ARHGAP35: variants seen among roughly 807,000 people sequenced by gnomAD.
ARHGAP35 encodes the protein Rho GTPase activating protein 35.
A neutral mutation model predicts 111.1 loss-of-function variants in ARHGAP35; 15 were observed. The ratio of observed to expected loss-of-function variants is 0.13; its 90% CI spans 0.09 to 0.21. ARHGAP35 has a LOEUF of 0.21. Ranked by LOEUF, ARHGAP35 falls within the 10% of genes least tolerant of loss-of-function variation. The pLI, the probability that ARHGAP35 is intolerant of heterozygous loss-of-function variation, is 1.00. For missense variants in ARHGAP35, 1,262 were observed against 1,873.0 expected, an observed-to-expected ratio of 0.67 and a Z score of 6.02; for synonymous variants, 643 against 710.3, an observed-to-expected ratio of 0.91 and a Z score of 1.51.
At chr19:46,963,880 T>G (rs1403921474) in intron 3 of ARHGAP35, among the ~76,000 whole-genome samples, 1 of 152,178 alleles carries the variant, frequency 6.6e-6, no homozygotes, top group African/African-American at 2.4e-5. Flanking sequence ...AATTTTTTTA[T>G]TTTTTGAGAT....
intron 3 of ARHGAP35, among the ~76,000 whole-genome samples, chr19:46,978,504 T>TGGC (rs996359087): frequency 3.6e-5 from 5 of 138,712 alleles, no homozygotes; most frequent in African/African-American, 1.1e-4. Context: ...TGTGTGGTGG[T>TGGC]GGCGTGTGTG....
chr19:46,888,271 T>C (rs2056003747), intron 1 of ARHGAP35, among the ~76,000 whole-genome samples: 1 of 17,024 alleles, frequency 5.9e-5, no homozygotes, highest in South Asian at 1.9e-3. Context: ...AATATATATA[T>C]ATATATATAT....
At position 46,988,415 on chromosome 19, in the gene ARHGAP35, A is replaced by C. The variant is rs1488806911; in HGVS notation, c.3904+349A>C. On this transcript the variant is annotated intron_variant, in intron 4 of 6. Coordinates refer to ENST00000672722, the MANE Select transcript of ARHGAP35 (RefSeq NM_004491.5). This position sits in a 1 kb window ranked among gnomAD's most constrained non-coding sequence, Gnocchi z 5.4. ...AGCTAGTTGCAGGCACATGATATAC[A>C]AGTCGGGTTGAGATGTGATCCTGTT... The C allele has an allele frequency of 3.6e-6, 1 of 274,794 alleles. No homozygotes were observed. Among genetic ancestry groups the C allele is most frequent in the Non-Finnish European group, 7.2e-6 (1 of 138,482 alleles). 17.0% of individuals were successfully genotyped at this position (274,794 alleles called of 1,614,324 possible).
Position 46,909,173 on chromosome 19 carries a change from T to A in ARHGAP35, c.-188-9315T>A, listed in dbSNP as rs564419164. ...TAAAAATTAGCCGGCCGTGGTGGCA[T>A]GCGCTTGTAGTCCCAGCTACTCAGG... is the stretch of plus-strand genomic sequence containing the variant. On this transcript the variant is annotated intron_variant, in intron 1 of 6. Coordinates refer to ENST00000672722, the MANE Select transcript of ARHGAP35 (RefSeq NM_004491.5). Among the ~76,000 whole-genome samples the A allele has an allele frequency of 3.9e-5, 6 of 152,216 alleles. 1 individual carries two copies. Among genetic ancestry groups the A allele is most frequent in the African/African-American group, 1.4e-4 (6 of 41,536 alleles).
chr19:46,867,621 G>T (rs930623465), intron 1 of ARHGAP35, among the ~76,000 whole-genome samples: 2 of 152,072 alleles, frequency 1.3e-5, no homozygotes, highest in African/African-American at 4.8e-5. Flanking sequence ...TCTCTCTCTA[G>T]ATAGACAGTA....
intron 1 of ARHGAP35, among the ~76,000 whole-genome samples, chr19:46,896,158 A>T (rs542647718): frequency 9.9e-5 from 15 of 152,238 alleles, no homozygotes; most frequent in African/African-American, 3.6e-4. Context: ...AATCCCAAGC[A>T]CTTTGGGAGG....
intron 1 of ARHGAP35, among the ~76,000 whole-genome samples, chr19:46,879,915 A>G (rs1363938359): frequency 2.0e-5 from 3 of 150,390 alleles, no homozygotes; most frequent in South Asian, 2.1e-4. Flanking sequence ...GTAAAACCCC[A>G]TATCTACTAA....
intron 1 of ARHGAP35, among the ~76,000 whole-genome samples, chr19:46,898,219 C>A (rs1195605600): frequency 6.7e-6 from 1 of 148,764 alleles, no homozygotes; most frequent in Non-Finnish European, 1.5e-5. Flanking sequence ...TCCAGCCTGG[C>A]TACAATGCGA....
chr19:46,937,950 C>T (rs2056319951), intron 3 of ARHGAP35, among the ~76,000 whole-genome samples: 1 of 152,198 alleles, frequency 6.6e-6, no homozygotes, highest in African/African-American at 2.4e-5. Context: ...CCTCTGACAA[C>T]TTGATGCTAT....
Position 46,986,301 on chromosome 19 carries a change from C to T in ARHGAP35, c.3827-1688C>T, listed in dbSNP as rs7254028. ...AAGCTGAACAGTGCTCCTCTGCCCA[C>T]GGTAGGATGGGGAGGGAGTGGGAGC... On this transcript the variant is annotated intron_variant, in intron 3 of 6. Coordinates refer to ENST00000672722, the MANE Select transcript of ARHGAP35 (RefSeq NM_004491.5). The surrounding 1 kb of genome is among the most constrained non-coding windows in gnomAD (Gnocchi z 4.3). Among the ~76,000 whole-genome samples, 55,622 of 152,018 alleles carry T rather than the reference C, an allele frequency of 0.37. 10,350 individuals are homozygous for T. Among genetic ancestry groups the T allele is most frequent in the Middle Eastern group, 0.5 (148 of 294 alleles).
At chr19:46,891,038 A>C (rs1413538671) in intron 1 of ARHGAP35, among the ~76,000 whole-genome samples, 2 of 152,184 alleles carry the variant, frequency 1.3e-5, no homozygotes, top group Non-Finnish European at 2.9e-5. Context: ...GAGGTAGGAT[A>C]GTTGGGCTTT....
intron 2 of ARHGAP35, among the ~76,000 whole-genome samples, chr19:46,925,758 T>C (rs1310631183): frequency 6.6e-6 from 1 of 152,178 alleles, no homozygotes; most frequent in East Asian, 1.9e-4. Context: ...AGTTGGACTT[T>C]GGGCATGTGA....
Position 46,897,230 on chromosome 19 carries a change from GACA to G in ARHGAP35, c.-188-21252_-188-21250del, listed in dbSNP as rs1195996756. ...ATGTTGTCAAAGGAAGTATGAAAATGACAACAACTGATGGCCCATTTTCATCAG... is the reference window on the plus strand; with the variant it reads ...ATGTTGTCAAAGGAAGTATGAAAATGACAACTGATGGCCCATTTTCATCAG... On this transcript the variant is annotated intron_variant, in intron 1 of 6. Transcript: ENST00000672722. Among the ~76,000 whole-genome samples, 8 of 152,200 alleles carry G rather than the reference GACA, an allele frequency of 5.3e-5. 1 individual carries two copies. Among genetic ancestry groups the G allele is most frequent in the East Asian group, 1.9e-4 (1 of 5,182 alleles).
Position 46,994,642 on chromosome 19 carries a change from G to A in ARHGAP35, c.4037-4662G>A, listed in dbSNP as rs533552976. ...ACAGAGGCAGGGCCAGGAAGGCCTC[G>A]AGGAGCCGGCCCAGAGCTCCTAGAC... On this transcript the variant is annotated intron_variant, in intron 5 of 6. Transcript: ENST00000672722. This position sits in a 1 kb window ranked among gnomAD's most constrained non-coding sequence, Gnocchi z 5.4. 1.6e-3 allele frequency among the ~76,000 whole-genome samples: 243 copies of A among 152,286 alleles called. 2 individuals are homozygous for A. The highest frequency in any genetic ancestry group is 6.8e-3 in the Middle Eastern group (2 of 294).
chr19:46,929,846 G>A (rs1224699348), intron 2 of ARHGAP35, among the ~76,000 whole-genome samples: 2 of 151,110 alleles, frequency 1.3e-5, no homozygotes, highest in East Asian at 3.9e-4. Context: ...CCCAGGAGGT[G>A]GAGTTTGCAG....
At chr19:46,985,424 G>C (rs546988075) in intron 3 of ARHGAP35, among the ~76,000 whole-genome samples, 2 of 152,330 alleles carry the variant, frequency 1.3e-5, no homozygotes, top group Admixed American at 1.3e-4. Context: ...AGAAGCTTGA[G>C]CCAGGTGTCT....
chr19:46,891,013 G>A (rs2056021024), intron 1 of ARHGAP35, among the ~76,000 whole-genome samples: 1 of 152,144 alleles, frequency 6.6e-6, no homozygotes, highest in Non-Finnish European at 1.5e-5. Context: ...ATGGTAATAA[G>A]CTTCCCTCTG....
chr19:46,968,209 A>G (rs367749351), intron 3 of ARHGAP35, among the ~76,000 whole-genome samples: 1 of 152,268 alleles, frequency 6.6e-6, no homozygotes, highest in South Asian at 2.1e-4. Flanking sequence ...AAGAAGATTC[A>G]TATAACACTA....
At chr19:46,905,588 C>T (rs1324256625) in intron 1 of ARHGAP35, among the ~76,000 whole-genome samples, 70 of 148,980 alleles carry the variant, frequency 4.7e-4, no homozygotes, top group Admixed American at 2.1e-3. Flanking sequence ...CTTACTCTGT[C>T]ACCCAGGCTG....
Sources: gnomAD v4.1 joint callset for allele counts (sites outside exome capture counted in the v4.1 genomes callset) on GRCh38, gnomAD v4.1.1 for gene constraint, Gnocchi (gnomAD v3.1) non-coding constraint, MANE v1.5 for transcripts, NCBI Gene and HGNC (gene_info 2026-07-23, HGNC 2026-07-21) for gene names.